EML2: variants seen among roughly 807,000 people sequenced by gnomAD.
EML2 encodes the protein echinoderm microtubule-associated protein-like 2.
Under a neutral mutation model 84.7 loss-of-function variants are expected in EML2, and 59 were observed. The observed-to-expected ratio is 0.70, with a 90% CI of 0.56 to 0.86. EML2 has a LOEUF of 0.86. Among genes scored for constraint, EML2 ranks in the 40% least tolerant of loss-of-function variants. The pLI is 0.00. For missense variants in EML2, 818 were observed against 855.6 expected (o/e 0.96, Z 0.55); for synonymous variants, 352 against 348.9 (o/e 1.01, Z -0.10).
chr19:45,635,232 G>A (rs1973586345), intron 3 of EML2, among the ~76,000 whole-genome samples: 1 of 152,034 alleles, frequency 6.6e-6, no homozygotes, highest in African/African-American at 2.4e-5. Context: ...TCCGCCTCCT[G>A]GGTTCAAGCC....
rs911789454 is a variant in EML2, at chr19:45,632,846, G to A, written c.510+15C>T. The A allele has an allele frequency of 1.2e-6, 2 of 1,609,184 alleles. No individual in the cohort carries two copies. The highest frequency in any genetic ancestry group is 1.7e-6 in the Non-Finnish European group (2 of 1,176,370). The stretch of plus-strand genomic sequence containing the variant: ...CGGGGCGAAGGGGCGGGGTTAGGGT[G>A]GGCGAAGGACTTACAGATTTGGAGA... On this transcript the variant is annotated intron_variant, in intron 6 of 18. Coordinates refer to ENST00000245925, the MANE Select transcript of EML2 (RefSeq NM_012155.4).
chr19:45,637,483 T>C (rs576064274), intron 3 of EML2, among the ~76,000 whole-genome samples: 101 of 145,384 alleles, frequency 6.9e-4, no homozygotes, highest in African/African-American at 2.3e-3. Flanking sequence ...TTTTTTTTTT[T>C]TTTTTTTTTT....
chr19:45,609,720 G>A lies in EML2; in HGVS notation c.1893C>T (p.Ser631=), dbSNP rs1970286141. The part of the protein sequence containing the change: ...VTNVAFLWDD[S]MALTTGGKDT... ...CCTTGCCCCCTGTGGTCAGGGCCATGCTGTCATCCCACAAGAAGGCCACAT... is the reference window on the plus strand; with the variant it reads ...CCTTGCCCCCTGTGGTCAGGGCCATACTGTCATCCCACAAGAAGGCCACAT... Residue 631 remains serine (S), a synonymous_variant, in exon 19 of 19, where the codon AGC becomes AGT. Transcript: ENST00000245925. The A allele has an allele frequency of 6.2e-7, 1 of 1,613,712 alleles. No homozygotes were observed. Among genetic ancestry groups the A allele is most frequent in the South Asian group, 1.1e-5 (1 of 91,008 alleles).
chr19:45,628,224 T>C (rs1424439792), intron 7 of EML2, among the ~76,000 whole-genome samples: 1 of 150,060 alleles, frequency 6.7e-6, no homozygotes, highest in Non-Finnish European at 1.5e-5. Flanking sequence ...ACAAAAAAAT[T>C]AGGCGTGGTG....
rs1400355504 is a variant in EML2 at position 45,617,632 on chromosome 19, G to C, written c.1320C>G (p.Gly440=). 5 of 1,613,452 alleles carry C rather than the reference G, an allele frequency of 3.1e-6. No homozygotes were observed. Among genetic ancestry groups the C allele is most frequent in the Non-Finnish European group, 4.2e-6 (5 of 1,179,718 alleles). The change falls in exon 13 of 19, where the codon GGC becomes GGG. Residue 440 remains glycine, a splice_region_variant and synonymous_variant. Transcript: ENST00000245925. ...CGAAATGCTCTCCTCAGCTTTACCT[G>C]CCAGTCACTGTACCCACAGCCAGGA... ...GSVLAVGTVT[G]RWLLLDTETH...
At chr19:45,643,849 C>T, upstream of EML2, 1 of 1,240,204 alleles carries the variant, frequency 8.1e-7, no homozygotes, top group Non-Finnish European at 1.1e-6. Flanking sequence ...AGGTGGGAGC[C>T]TCCTGAGGTC....
At chr19:45,642,110 A>T (rs948232159), upstream of EML2, 10 of 1,470,092 alleles carry the variant, frequency 6.8e-6, no homozygotes, top group Non-Finnish European at 9.0e-6. Flanking sequence ...TCCCCATCCC[A>T]CCCCTCCAGT....
upstream of EML2, chr19:45,641,329 C>T (rs79587923): frequency 6.0e-4 from 176 of 295,002 alleles, 1 homozygote; most frequent in African/African-American, 3.6e-3. Context: ...TGAAACTCAA[C>T]GGGGCCTCTC....
chr19:45,628,626 C>G (rs1972654288), intron 7 of EML2: 1 of 152,072 alleles, frequency 6.6e-6, no homozygotes, highest in South Asian at 2.1e-4. Context: ...AGTTCGAGAC[C>G]AGCCTGGCCA....
chr19:45,641,996 C>A, upstream of EML2: 1 of 1,446,676 alleles, frequency 6.9e-7, no homozygotes, highest in African/African-American at 1.4e-5. Flanking sequence ...GGGTCCCGAG[C>A]CATTAAGGGG....
intron 3 of EML2, among the ~76,000 whole-genome samples, chr19:45,635,381 C>T (rs1270801604): frequency 1.3e-5 from 2 of 151,774 alleles, no homozygotes; most frequent in Non-Finnish European, 2.9e-5. Flanking sequence ...TCAGGTGATC[C>T]ACCCACCTTG....
intron 3 of EML2, among the ~76,000 whole-genome samples, chr19:45,636,074 G>A (rs938979838): frequency 6.6e-6 from 1 of 152,070 alleles, no homozygotes; most frequent in African/African-American, 2.4e-5. Context: ...GGGCTTAAGT[G>A]ATCCTCCTGC....
At chr19:45,645,448 C>G (rs553700863), upstream of EML2, 1 of 1,417,924 alleles carries the variant, frequency 7.1e-7, no homozygotes, top group Non-Finnish European at 9.1e-7. Flanking sequence ...CCAGCATCCC[C>G]AGCTCAGCTC....
At chr19:45,641,709 C>A (rs1336053919), upstream of EML2, 4 of 1,536,066 alleles carry the variant, frequency 2.6e-6, no homozygotes, top group Admixed American at 2.0e-5. Context: ...CACGGCGCAC[C>A]GAGGCGAGGC....
At position 45,616,532 on chromosome 19, in the gene EML2, G is replaced by A. The variant is rs547198368; in HGVS notation, c.1438C>T (p.His480Tyr). The A allele has an allele frequency of 5.6e-6, 9 of 1,610,872 alleles. No homozygotes were observed. The highest frequency in any genetic ancestry group is 1.7e-5 in the Admixed American group (1 of 59,900). The change falls in exon 15 of 19, where the codon CAC becomes TAC. Residue 480 changes from histidine (H) to tyrosine (Y), a missense_variant. By Grantham distance (83) the His-to-Tyr change is moderately conservative. Transcript: ENST00000245925. Reference protein sequence around the residue: ...PDGAYLAVGSHDNLVYVYTVD... With the variant: ...PDGAYLAVGSYDNLVYVYTVD... ...GTGTACACGTACACCAAGTTGTCGT[G>A]GGAGCCCACGGCCAGGTACGCCCCG...
chr19:45,619,202 G>A lies in EML2; in HGVS notation c.1123-11C>T, dbSNP rs753332209. 8 of 1,608,020 alleles carry A rather than the reference G, an allele frequency of 5.0e-6. No homozygotes were observed. The Admixed American group carries it at 1.0e-4, about 20-fold the overall frequency. ...CTCTTCCACATGGCCCTGGTGGAAA[G>A]GGAGGACAGCAGGATGGAGACAGCA... is the stretch of plus-strand genomic sequence containing the variant. On this transcript the variant is annotated splice_polypyrimidine_tract_variant and intron_variant, in intron 11 of 18. Transcript: ENST00000245925.
At chr19:45,622,797 C>T (rs1270795986) in intron 9 of EML2, among the ~76,000 whole-genome samples, 2 of 152,132 alleles carry the variant, frequency 1.3e-5, no homozygotes, top group African/African-American at 4.8e-5. Context: ...CCTGTAATCC[C>T]AGCACTTTGG....
intron 7 of EML2, among the ~76,000 whole-genome samples, chr19:45,629,651 G>A (rs1270844045): frequency 1.4e-5 from 2 of 147,086 alleles, no homozygotes; most frequent in African/African-American, 5.1e-5. Context: ...AGTAGAGATA[G>A]GTCTCCTTAT....
At position 45,621,629 on chromosome 19, in the gene EML2, G is replaced by T; in HGVS notation, c.850C>A (p.Arg284Ser). ...GCGCCCAGCACCGCCTGTGTGATAC[G>T]GTTCCCACCTGCAGGGTGGCCAGGG... ...NLYVWGKGGN[R>S]ITQAVLGAHD... is the part of the protein sequence containing the mutation. Residue 284 changes from arginine (R) to serine (S), a missense_variant, in exon 10 of 19, where the codon CGT (arginine) becomes AGT (serine). By Grantham distance (110) the Arg-to-Ser change is moderately radical (BLOSUM62 -1). Coordinates refer to ENST00000245925, the MANE Select transcript of EML2 (RefSeq NM_012155.4). The T allele has an allele frequency of 6.2e-7, 1 of 1,607,546 alleles. No homozygotes were observed.
Sources: allele counts gnomAD v4.1 joint callset (sites outside exome capture counted in the v4.1 genomes callset), GRCh38; gene constraint gnomAD v4.1.1; transcripts MANE v1.5; gene names NCBI Gene and HGNC (gene_info 2026-07-23, HGNC 2026-07-21).